Variants in SNRPN observed in about 807,000 individuals in gnomAD.
The protein encoded by SNRPN is small nuclear ribonucleoprotein polypeptide N.
A neutral mutation model predicts 25.2 loss-of-function variants in SNRPN; 7 were observed. The ratio of observed to expected loss-of-function variants is 0.28; its 90% CI spans 0.16 to 0.52. The LOEUF is 0.52. Ranked by LOEUF, SNRPN falls within the 20% of genes least tolerant of loss-of-function variation. SNRPN has a pLI of 0.96. For synonymous variants in SNRPN, 124 were observed against 110.6 expected (o/e 1.12, Z -0.76); for missense variants, 196 against 322.5 (o/e 0.61, Z 3.00).
intron 3 of SNRPN, chr15:24,968,319 GT>G (rs997261284): frequency 9.9e-5 from 30 of 302,344 alleles, no homozygotes; most frequent in Admixed American, 4.8e-4. Context: ...TTTCTTTTGC[GT>G]TTTTTTTAAT....
intron 2 of SNRPN, among the ~76,000 whole-genome samples, chr15:24,896,778 C>T (rs7175827): frequency 0.65 from 99,450 of 152,014 alleles, 33,044 homozygotes; most frequent in African/African-American, 0.78. Flanking sequence ...TGTCTCTTCA[C>T]TGTTGCCTTT....
chr15:24,836,433 C>T (rs1211618948), intron 2 of SNRPN, among the ~76,000 whole-genome samples: 3 of 151,096 alleles, frequency 2.0e-5, no homozygotes, highest in East Asian at 1.9e-4. Context: ...TTTTTTGAGA[C>T]GGAGCCTCAC....
intron 1 of SNRPN, among the ~76,000 whole-genome samples, chr15:24,857,505 G>A (rs1194588934): frequency 1.3e-5 from 2 of 151,952 alleles, no homozygotes; most frequent in Non-Finnish European, 2.9e-5. Context: ...ATCTGATCTT[G>A]TAATAAGGAA....
intron 2 of SNRPN, among the ~76,000 whole-genome samples, chr15:24,905,196 A>G (rs150622605): frequency 1.3e-5 from 2 of 152,028 alleles, no homozygotes; most frequent in East Asian, 3.9e-4. Flanking sequence ...ATCCCATCCG[A>G]TTTTAAGATA....
chr15:24,972,541 C>CTT (rs755600861), intron 3 of SNRPN, among the ~76,000 whole-genome samples: 20 of 112,206 alleles, frequency 1.8e-4, no homozygotes, highest in East Asian at 2.7e-4. Flanking sequence ...TTAGAGTATT[C>CTT]TTTTTTTTTT....
intron 2 of SNRPN, among the ~76,000 whole-genome samples, chr15:24,963,255 C>T (rs1459954624): frequency 6.6e-6 from 1 of 152,154 alleles, no homozygotes; most frequent in Non-Finnish European, 1.5e-5. Context: ...TAATCGTTAG[C>T]TTGCTGCTGG....
intron 1 of SNRPN, among the ~76,000 whole-genome samples, chr15:24,864,093 C>G (rs2054285992): frequency 6.8e-6 from 1 of 147,668 alleles, no homozygotes; most frequent in African/African-American, 2.6e-5. Flanking sequence ...ATGGCGTGAA[C>G]TCTGCTTACT....
At chr15:24,885,716 C>CTGTGTGTGTGTGTGTGTGTGTGTGTG (rs58691279) in intron 1 of SNRPN, among the ~76,000 whole-genome samples, 1 of 141,634 alleles carries the variant, frequency 7.1e-6, no homozygotes, top group East Asian at 2.2e-4. Flanking sequence ...GAATCTGGGG[C>CTGTGTGTGTGTGTGTGTGTGTGTGTG]TGTGTGTGTG....
chr15:24,901,176 T>TCTTAGCCTAAGGA (rs1476553271), intron 2 of SNRPN, among the ~76,000 whole-genome samples: 4 of 152,188 alleles, frequency 2.6e-5, no homozygotes, highest in African/African-American at 7.2e-5. Context: ...TATTCCTTGG[T>TCTTAGCCTAAGGA]ATTGCCGTCT....
At chr15:24,967,437 C>A (rs530565862) in intron 2 of SNRPN, among the ~76,000 whole-genome samples, 1 of 151,996 alleles carries the variant, frequency 6.6e-6, no homozygotes, top group South Asian at 2.1e-4. Context: ...GTCATGAGTT[C>A]CAGATCAGCC....
At position 24,918,795 on chromosome 15, in the gene SNRPN, T is replaced by C. The variant is rs1367176189; in HGVS notation, c.-504-1216T>C. 1.8e-3 allele frequency among the ~76,000 whole-genome samples: 18 copies of C among 10,222 alleles called. 3 individuals are homozygous for C. The highest frequency in any genetic ancestry group is 7.9e-3 in the African/African-American group (17 of 2,142). 6.7% of individuals were successfully genotyped at this position (10,222 alleles called of 152,430 possible). On this transcript the variant is annotated intron_variant, in intron 2 of 11. Transcript: ENST00000400097. ...ATATAACATAATATATATGTGTGCATATATATATATAACAATATATATATG... is the reference window on the plus strand; with the variant it reads ...ATATAACATAATATATATGTGTGCACATATATATATAACAATATATATATG...
chr15:24,882,846 A>G (rs1327790641), intron 1 of SNRPN, among the ~76,000 whole-genome samples: 1 of 150,198 alleles, frequency 6.7e-6, no homozygotes, highest in Non-Finnish European at 1.5e-5. Context: ...ATATATATAT[A>G]TAGTGAGTTG....
chr15:24,879,858 A>G (rs986768102), intron 1 of SNRPN, among the ~76,000 whole-genome samples: 4 of 152,178 alleles, frequency 2.6e-5, no homozygotes, highest in African/African-American at 4.8e-5. Flanking sequence ...TAGCCTTCCT[A>G]TCACCCACTG....
chr15:24,855,609 G>T (rs897071131), upstream of SNRPN, among the ~76,000 whole-genome samples: 1 of 151,884 alleles, frequency 6.6e-6, no homozygotes, highest in Admixed American at 6.6e-5. Context: ...GGCCAATGTG[G>T]CAAAATACCG....
At chr15:24,970,125 G>A (rs537103620) in intron 3 of SNRPN, among the ~76,000 whole-genome samples, 11 of 152,156 alleles carry the variant, frequency 7.2e-5, no homozygotes, top group South Asian at 2.1e-4. Context: ...ACATTACAGC[G>A]TAGACAATCA....
chr15:24,877,955 G>GT lies in SNRPN; in HGVS notation c.-578-8560dup, dbSNP rs1184576793. Among the ~76,000 whole-genome samples the GT allele has an allele frequency of 2.0e-5, 3 of 152,346 alleles. No individual in the cohort carries two copies. The East Asian group carries it at 5.8e-4, about 29-fold the overall frequency. On this transcript the variant is annotated intron_variant, in intron 1 of 11. Transcript: ENST00000400097. The stretch of plus-strand genomic sequence containing the variant: ...AGTAGTGCACGGGTTAAAGAACGAT[G>GT]TGAGTGCTAGTGGCTGATTCTTTCA...
chr15:24,873,303 A>G (rs113034566), intron 1 of SNRPN, among the ~76,000 whole-genome samples: 6 of 118,222 alleles, frequency 5.1e-5, no homozygotes, highest in African/African-American at 1.7e-4. Context: ...CAACCACAAA[A>G]TCAAGACTCT....
intron 3 of SNRPN, among the ~76,000 whole-genome samples, chr15:24,930,181 A>AT (rs1465945105): frequency 2.0e-5 from 3 of 147,564 alleles, no homozygotes; most frequent in African/African-American, 7.6e-5. Flanking sequence ...TTTTTTCTAG[A>AT]TAAAAAATAT....
chr15:24,923,881 ATGTGTGTGTGTGTGTGTGTG>A (rs58343685), intron 3 of SNRPN, among the ~76,000 whole-genome samples: 1 of 106,122 alleles, frequency 9.4e-6, no homozygotes, highest in African/African-American at 3.8e-5. Context: ...AGTGCCGTGT[ATGTGTGTGTGTGTGTGTGTG>A]TGTGTGTGTG....
Sources: gnomAD v4.1 joint callset for allele counts (sites outside exome capture counted in the v4.1 genomes callset) on GRCh38, gnomAD v4.1.1 for gene constraint, MANE v1.5 for transcripts, NCBI Gene and HGNC (gene_info 2026-07-23, HGNC 2026-07-21) for gene names.